The following ACAD10 variants were observed in gnomAD, a reference collection of about 807,000 sequenced individuals.
The protein encoded by ACAD10 is acyl-CoA dehydrogenase family member 10.
Under a neutral mutation model 116.8 loss-of-function variants are expected in ACAD10, and 112 were observed. The observed-to-expected ratio is 0.96, with a 90% CI of 0.82 to 1.12. ACAD10 has a LOEUF of 1.12. Among genes scored for constraint, ACAD10 ranks in the 50% most tolerant of loss-of-function variants. The pLI, the probability that ACAD10 is intolerant of heterozygous loss-of-function variation, is 0.00. For synonymous variants in ACAD10, 486 were observed against 510.6 expected (o/e 0.95, Z 0.65); for missense variants, 1,259 against 1,350.2 (o/e 0.93, Z 1.06).
chr12:111,712,304 C>G (rs913169301), intron 5 of ACAD10, among the ~76,000 whole-genome samples, 194 bp from the exon 6 acceptor site: 1 of 152,074 alleles, frequency 6.6e-6, no homozygotes, highest in Non-Finnish European at 1.5e-5. Context: ...CAGACACCTC[C>G]TAGGAAACAG....
Position 111,712,574 on chromosome 12 carries a change from C to G in ACAD10, c.767C>G (p.Thr256Ser). The G allele has an allele frequency of 6.2e-7, 1 of 1,614,122 alleles. No homozygotes were observed. Among genetic ancestry groups the G allele is most frequent in the Non-Finnish European group, 8.5e-7 (1 of 1,179,982 alleles). Residue 256 changes from threonine (T) to serine (S), a missense_variant, in exon 6 of 21, where the codon ACT becomes AGT. Coordinates refer to ENST00000313698, the MANE Select transcript of ACAD10 (RefSeq NM_025247.6). ...ACATTGAGAGTAGGTGTTCCAAACACTCGGCCTGTGAAAAAGACGATGGAA... is the reference window on the plus strand; with the variant it reads ...ACATTGAGAGTAGGTGTTCCAAACAGTCGGCCTGTGAAAAAGACGATGGAA... ...GFTLRVGVPN[T>S]RPVKKTMEIP...
At chr12:111,690,459 A>C (rs1888005927) in intron 1 of ACAD10, 1 of 151,956 alleles carries the variant, frequency 6.6e-6, no homozygotes, top group African/African-American at 2.4e-5. Context: ...CAGGTATCGG[A>C]TATTTGGATT....
In ACAD10 at chr12:111,724,836, A is replaced by AGAGAGG. The variant is rs544593201; in HGVS notation, c.1061+3108_1062-3110dup. On this transcript the variant is annotated intron_variant, in intron 8 of 20. Coordinates refer to ENST00000313698, the MANE Select transcript of ACAD10 (RefSeq NM_025247.6). ...AGAGAGGGAGAGGGAGACCGTGGAAAGAGAGGGAGAGGGAGACCGTGGAAA... is the reference window on the plus strand; with the variant it reads ...AGAGAGGGAGAGGGAGACCGTGGAAAGAGAGGGAGAGGGAGAGGGAGACCGTGGAAA... 5.1e-4 allele frequency among the ~76,000 whole-genome samples: 76 copies of AGAGAGG among 149,584 alleles called. 1 individual carries two copies. The highest frequency in any genetic ancestry group is 8.6e-4 in the South Asian group (4 of 4,648).
At chr12:111,698,573 G>C (rs796411277) in intron 2 of ACAD10, among the ~76,000 whole-genome samples, 8 of 151,624 alleles carry the variant, frequency 5.3e-5, no homozygotes, top group African/African-American at 1.9e-4. Context: ...TGCCTCCCAG[G>C]TTCAAGCGAT....
At chr12:111,700,863 A>T (rs1888330662) in intron 2 of ACAD10, among the ~76,000 whole-genome samples, 1 of 148,852 alleles carries the variant, frequency 6.7e-6, no homozygotes, top group African/African-American at 2.5e-5. Context: ...GGCTTAAGCG[A>T]TCCTTCCACC....
chr12:111,726,238 A>T (rs988785942), intron 8 of ACAD10, among the ~76,000 whole-genome samples: 1 of 152,146 alleles, frequency 6.6e-6, no homozygotes, highest in Non-Finnish European at 1.5e-5. Context: ...TAGGTGATAG[A>T]GTGAGACTCC....
At chr12:111,696,863 C>T (rs914439650) in intron 2 of ACAD10, among the ~76,000 whole-genome samples, 2 of 152,082 alleles carry the variant, frequency 1.3e-5, no homozygotes, top group Admixed American at 6.6e-5. Context: ...AGGTGGATCA[C>T]GAGGTCAGGA....
rs551831777 is a variant in ACAD10, at chr12:111,746,408, G to A, written c.2256+124G>A. The A allele has an allele frequency of 7.1e-5, 73 of 1,027,618 alleles. 1 individual carries two copies. The South Asian group carries it at 1.4e-3, about 20-fold the overall frequency. 63.7% of individuals were successfully genotyped at this position (1,027,618 alleles called of 1,614,324 possible). ...AACTTGAACTTTTTTTTTTTTTTGA[G>A]ATGGAGTCTCGCTCTGTCACCCAGG... is the stretch of plus-strand genomic sequence containing the variant. On this transcript the variant is annotated intron_variant, in intron 14 of 20. Transcript: ENST00000313698.
chr12:111,748,675 A>C, intron 17 of ACAD10, 200 bp downstream of exon 17: 1 of 669,542 alleles, frequency 1.5e-6, no homozygotes, highest in Non-Finnish European at 2.5e-6. Context: ...GCATTTATGG[A>C]TTTTTTTCCC....
rs777352094 is a variant in ACAD10, at chr12:111,756,616, A to G, written c.*143A>G. On this transcript the variant is annotated 3_prime_UTR_variant, in exon 21 of 21. Transcript: ENST00000313698. ...TCCCGGGACAGTCAGGGTGGACTCA[A>G]TCTTTCTGGTTCTCCACAGAAGACG... 488 of 1,302,472 alleles carry G rather than the reference A, an allele frequency of 3.7e-4. 2 individuals carry two copies. In the Middle Eastern group the frequency reaches 9.6e-3, roughly 26 times the overall value. The allele number at this position is 1,302,472 out of a possible 1,614,324, so 80.7% of individuals were successfully genotyped here.
intron 20 of ACAD10, chr12:111,756,124 A>C: frequency 7.0e-7 from 1 of 1,420,640 alleles, no homozygotes; most frequent in South Asian, 1.5e-5. Flanking sequence ...AGGCACCTGC[A>C]GAGTGGGCCT....
At position 111,749,167 on chromosome 12, in the gene ACAD10, T is replaced by C; in HGVS notation, c.2645-6T>C. The C allele has an allele frequency of 6.2e-7, 1 of 1,612,708 alleles. No homozygotes were observed. Among genetic ancestry groups the C allele is most frequent in the Non-Finnish European group, 8.5e-7 (1 of 1,178,774 alleles). ...ATTGCTCACAGTGATCGTTTGGGTC[T>C]TTCAGGTGGCCATGGTGAAGTCCGA... On this transcript the variant is annotated splice_region_variant and splice_polypyrimidine_tract_variant and intron_variant, in intron 17 of 20. Coordinates refer to ENST00000313698, the MANE Select transcript of ACAD10 (RefSeq NM_025247.6).
At chr12:111,738,523 T>A (rs1223996859) in intron 12 of ACAD10, among the ~76,000 whole-genome samples, 1 of 149,316 alleles carries the variant, frequency 6.7e-6, no homozygotes, top group Non-Finnish European at 1.5e-5. Flanking sequence ...ACTTTGGGCA[T>A]CACCAAGGAT....
chr12:111,727,574 C>T (rs963300468), intron 8 of ACAD10, among the ~76,000 whole-genome samples: 10 of 152,048 alleles, frequency 6.6e-5, no homozygotes, highest in Non-Finnish European at 1.0e-4. Flanking sequence ...AAACCTGGTT[C>T]GGTGTGACTC....
chr12:111,745,340 A>G (rs1277527988), intron 13 of ACAD10: 1 of 456,056 alleles, frequency 2.2e-6, no homozygotes, highest in Non-Finnish European at 3.8e-6. Context: ...TATTTGAATT[A>G]TGTAAATTTG....
In ACAD10 at chr12:111,728,040, G is replaced by A; in HGVS notation, c.1140G>A (p.Glu380=). 6.2e-7 allele frequency: 1 copy of A among 1,613,248 alleles called. No individual in the cohort carries two copies. The highest frequency in any genetic ancestry group is 8.5e-7 in the Non-Finnish European group (1 of 1,179,768). Residue 380 remains glutamate, a synonymous_variant, in exon 9 of 21, where the codon GAG becomes GAA. Coordinates refer to ENST00000313698, the MANE Select transcript of ACAD10 (RefSeq NM_025247.6). ...AAGACCCTTCCCTGCCAGGCTTGGA[G>A]CCCAGCCACAGACGAGCCATATACA... ...IYKDPSLPGL[E]PSHRRAIYTA... is the part of the protein sequence containing the mutation.
At chr12:111,715,716 AG>A in intron 6 of ACAD10, 104 bp from the exon 7 acceptor site, 1 of 1,488,682 alleles carries the variant, frequency 6.7e-7, no homozygotes, top group African/African-American at 1.4e-5. Context: ...ATGGCAGATG[AG>A]GATATTTTGA....
Position 111,746,203 on chromosome 12 carries a change from G to C in ACAD10, c.2175G>C (p.Glu725Asp). Residue 725 changes from glutamate to aspartate, a missense_variant, in exon 14 of 21, where the codon GAG becomes GAC. Transcript: ENST00000313698. ...TCCTACCCTTAGAGGCTGATCCCGAGAAAAAATACGGAGCAGGACTGACCA... is the reference window on the plus strand; with the variant it reads ...TCCTACCCTTAGAGGCTGATCCCGACAAAAAATACGGAGCAGGACTGACCA... ...NLFLPLEADP[E>D]KKYGAGLTNV... 6.2e-7 allele frequency: 1 copy of C among 1,613,872 alleles called. No individual in the cohort carries two copies. Among genetic ancestry groups the C allele is most frequent in the Non-Finnish European group, 8.5e-7 (1 of 1,179,954 alleles).
rs539841056 is a variant in ACAD10 at position 111,723,750 on chromosome 12, T to C, written c.1061+2011T>C. ...GCGGAGACGCTCCTCACTTCCCAGA[T>C]GGGGTGGCTGCCGGGCAGAGAGGCT... is the stretch of plus-strand genomic sequence containing the variant. On this transcript the variant is annotated intron_variant, in intron 8 of 20. Transcript: ENST00000313698. Among the ~76,000 whole-genome samples the C allele has an allele frequency of 1.0e-3, 143 of 138,584 alleles. 1 individual carries two copies. The highest frequency in any genetic ancestry group is 3.7e-3 in the African/African-American group (137 of 37,280). The allele number at this position is 138,584 out of a possible 152,430, so 90.9% of individuals were successfully genotyped here.
Sources: allele counts gnomAD v4.1 joint callset (sites outside exome capture counted in the v4.1 genomes callset), GRCh38; gene constraint gnomAD v4.1.1; transcripts MANE v1.5; gene names NCBI Gene and HGNC (gene_info 2026-07-23, HGNC 2026-07-21).